RBM20: variants seen among roughly 807,000 people sequenced by gnomAD.
RBM20 encodes the protein RNA-binding protein 20.
In RBM20, 51 loss-of-function variants were observed where a neutral mutation model predicts 110.1. That is an observed-to-expected ratio of 0.46 (90% CI 0.37 to 0.59). RBM20 has a LOEUF of 0.59. RBM20 is among the 20% of genes least tolerant of loss of function. RBM20 has a pLI of 0.00. For synonymous variants in RBM20, 589 were observed against 618.2 expected (o/e 0.95, Z 0.70); for missense variants, 1,512 against 1,574.9 (o/e 0.96, Z 0.68).
At chr10:110,815,737 T>C (rs1674414026) in intron 9 of RBM20, among the ~76,000 whole-genome samples, 1 of 152,208 alleles carries the variant, frequency 6.6e-6, no homozygotes, top group Non-Finnish European at 1.5e-5. Context: ...TTGTATAACA[T>C]TGCTCATTTA....
At chr10:110,761,891 A>G (rs1233076429) in intron 1 of RBM20, among the ~76,000 whole-genome samples, 3 of 152,214 alleles carry the variant, frequency 2.0e-5, no homozygotes, top group African/African-American at 7.2e-5. Context: ...CTCTTACCTT[A>G]ATACTAGTTT....
At chr10:110,763,317 G>C (rs1030835158) in intron 1 of RBM20, among the ~76,000 whole-genome samples, 9 of 151,956 alleles carry the variant, frequency 5.9e-5, no homozygotes, top group African/African-American at 2.2e-4. Flanking sequence ...TCTCCTCCAA[G>C]GGGCTAAGTT....
intron 1 of RBM20, among the ~76,000 whole-genome samples, chr10:110,744,802 TCA>T (rs746352238): frequency 6.6e-6 from 1 of 152,202 alleles, no homozygotes; most frequent in African/African-American, 2.4e-5. Flanking sequence ...ATATGAAGAC[TCA>T]GTTATATTTC....
chr10:110,715,907 G>A (rs1863008633), intron 1 of RBM20, among the ~76,000 whole-genome samples: 1 of 152,182 alleles, frequency 6.6e-6, no homozygotes, highest in Non-Finnish European at 1.5e-5. Context: ...TTAACTACAA[G>A]GGAGGCAGAA....
At chr10:110,818,397 A>T (rs1281817185) in intron 9 of RBM20, among the ~76,000 whole-genome samples, 1 of 152,086 alleles carries the variant, frequency 6.6e-6, no homozygotes, top group African/African-American at 2.4e-5. Context: ...TTTTGGGGGA[A>T]GGTACAGAGC....
intron 6 of RBM20, among the ~76,000 whole-genome samples, 158 bp downstream of exon 6, chr10:110,797,806 T>A (rs1483865497): frequency 6.6e-6 from 1 of 152,350 alleles, no homozygotes; most frequent in East Asian, 1.9e-4. Context: ...CTGGTGATGT[T>A]TTTTTGTTTC....
At position 110,838,488 on chromosome 10, in the gene RBM20, T is replaced by C. The variant is rs546664550; in HGVS notation, c.*2510T>C. 1 of 152,292 alleles carries C rather than the reference T, an allele frequency of 6.6e-6. No homozygotes were observed. Among genetic ancestry groups the C allele is most frequent in the African/African-American group, 2.4e-5 (1 of 41,566 alleles). The allele number at this position is 152,292 out of a possible 1,614,324, so 9.4% of individuals were successfully genotyped here. ...TCTTTCTTCCTACTGAAGGGAATTG[T>C]GGGGGCAGTTCTTTGGCCTTCTTGC... On this transcript the variant is annotated 3_prime_UTR_variant, in exon 14 of 14. Transcript: ENST00000369519.
intron 1 of RBM20, among the ~76,000 whole-genome samples, chr10:110,737,193 A>AACAAAAAC (rs1554894302): frequency 0.029 from 3,426 of 116,518 alleles, 236 homozygotes; most frequent in Non-Finnish European, 0.044. Context: ...AAAAAAAAAA[A>AACAAAAAC]AAAACACCCC....
chr10:110,731,785 C>T (rs1252226961), intron 1 of RBM20, among the ~76,000 whole-genome samples: 1 of 152,214 alleles, frequency 6.6e-6, no homozygotes, highest in Non-Finnish European at 1.5e-5. Context: ...TAGGCTTCTT[C>T]AGGCATTTTC....
chr10:110,798,941 G>A (rs1335493281), intron 6 of RBM20, among the ~76,000 whole-genome samples: 3 of 152,156 alleles, frequency 2.0e-5, no homozygotes, highest in Admixed American at 6.6e-5. Flanking sequence ...CAGTCAAAAC[G>A]GTCTCTTTGG....
chr10:110,711,329 CAAAAAAAA>C (rs1157753270), intron 1 of RBM20, among the ~76,000 whole-genome samples: 2 of 28,402 alleles, frequency 7.0e-5, no homozygotes, highest in East Asian at 1.0e-3. Flanking sequence ...GACTCCATCT[CAAAAAAAA>C]AAAAAAAAAA....
chr10:110,781,146 C>T lies in RBM20; in HGVS notation c.537C>T (p.Gly179=), dbSNP rs1415292213. Residue 179 remains glycine (G), a synonymous_variant, in exon 2 of 14, where the codon GGC becomes GGT. Transcript: ENST00000369519. ...TTTCACCCCCCAGCCAGACACGAGG[C>T]CCCGGACCCTCCATGAACCTTCCCA... ...IAFSPPSQTR[G]PGPSMNLPNQ... 5 of 1,551,708 alleles carry T rather than the reference C, an allele frequency of 3.2e-6. No individual in the cohort carries two copies. The highest frequency in any genetic ancestry group is 2.4e-5 in the South Asian group (2 of 84,066).
chr10:110,823,706 T>G (rs1421761717), intron 12 of RBM20, 92 bp downstream of exon 12: 3 of 1,391,922 alleles, frequency 2.2e-6, no homozygotes, highest in African/African-American at 2.9e-5. Flanking sequence ...TTTTTGGCAT[T>G]TTGTTGTTGA....
At chr10:110,726,938 A>G (rs1466833400) in intron 1 of RBM20, among the ~76,000 whole-genome samples, 3 of 152,038 alleles carry the variant, frequency 2.0e-5, no homozygotes. Flanking sequence ...CCTCCGGCTC[A>G]TGGGTTCAAG....
chr10:110,763,751 C>CTTTTTTTT (rs56845100), intron 1 of RBM20, among the ~76,000 whole-genome samples: 21 of 64,388 alleles, frequency 3.3e-4, no homozygotes, highest in Admixed American at 5.2e-4. Context: ...GGCTTCTTGG[C>CTTTTTTTT]TTTTTTTTTT....
intron 1 of RBM20, among the ~76,000 whole-genome samples, chr10:110,698,570 TCTC>T (rs1862706162): frequency 6.6e-6 from 1 of 152,142 alleles, no homozygotes; most frequent in Non-Finnish European, 1.5e-5. Context: ...CATTGGAGCT[TCTC>T]CTCTTACAGC....
chr10:110,655,442 A>G (rs1862008451), intron 1 of RBM20, among the ~76,000 whole-genome samples: 1 of 152,202 alleles, frequency 6.6e-6, no homozygotes, highest in South Asian at 2.1e-4. Flanking sequence ...CACAGAGAGC[A>G]CATAAACACT....
At position 110,648,373 on chromosome 10, in the gene RBM20, G is replaced by A. The variant is rs541710649; in HGVS notation, c.191+3728G>A. ...ACAGACATTCTGCAGAAGGATCTCC[G>A]TGTAACTGTTAGGGAGTCATTCGCA... On this transcript the variant is annotated intron_variant, in intron 1 of 13. Transcript: ENST00000369519. Among the ~76,000 whole-genome samples the A allele has an allele frequency of 1.1e-3, 169 of 152,322 alleles. 1 individual carries two copies. Among genetic ancestry groups the A allele is most frequent in the African/African-American group, 3.7e-3 (152 of 41,570 alleles).
In RBM20 at chr10:110,781,432, C is replaced by G; in HGVS notation, c.823C>G (p.Gln275Glu). The G allele has an allele frequency of 6.4e-7, 1 of 1,551,610 alleles. No individual in the cohort carries two copies. Among genetic ancestry groups the G allele is most frequent in the Non-Finnish European group, 8.7e-7 (1 of 1,147,002 alleles). Residue 275 changes from glutamine (Q) to glutamate (E), a missense_variant, in exon 2 of 14, where the codon CAA becomes GAA. Physicochemically the swap from Gln to Glu is conservative, Grantham distance 29. Transcript: ENST00000369519. The part of the protein sequence containing the change: ...GHYSHTGQDG[Q>E]AAFSKDFYGP... The stretch of plus-strand genomic sequence containing the variant: ...CTACAGCCACACAGGGCAGGATGGT[C>G]AAGCTGCCTTTTCCAAAGATTTTTA...
Sources: allele counts gnomAD v4.1 joint callset (sites outside exome capture counted in the v4.1 genomes callset), GRCh38; gene constraint gnomAD v4.1.1; transcripts MANE v1.5; gene names NCBI Gene and HGNC (gene_info 2026-07-23, HGNC 2026-07-21).